Variants in ADAMTSL1 observed in about 807,000 individuals in gnomAD.
ADAMTSL1 encodes ADAMTS like 1, also known as ADAMTS-like protein 1.
In ADAMTSL1, 126 loss-of-function variants were observed where a neutral mutation model predicts 201.8. The ratio of observed to expected loss-of-function variants is 0.62; its 90% CI spans 0.54 to 0.72. The LOEUF (loss-of-function observed/expected upper bound fraction) is 0.72. Among genes scored for constraint, ADAMTSL1 ranks in the 30% least tolerant of loss-of-function variants. The probability of loss-of-function intolerance (pLI) is 0.00; values close to 1 mark genes in which losing one functional copy is unlikely to be tolerated. For synonymous variants in ADAMTSL1, 1,121 were observed against 903.4 expected, an observed-to-expected ratio of 1.24 and a Z score of -4.32; for missense variants, 2,679 against 2,277.8, an observed-to-expected ratio of 1.18 and a Z score of -3.59.
At chr9:18,552,360 T>G (rs187027379) in intron 3 of ADAMTSL1, among the ~76,000 whole-genome samples, 56 of 151,996 alleles carry the variant, frequency 3.7e-4, no homozygotes, top group Admixed American at 3.5e-3. Context: ...AATCTGTTCA[T>G]TAACTTCTAA....
intron 2 of ADAMTSL1, among the ~76,000 whole-genome samples, chr9:18,179,247 G>A (rs1043659289): frequency 3.3e-5 from 5 of 152,134 alleles, no homozygotes; most frequent in Non-Finnish European, 5.9e-5. Flanking sequence ...CACAGGAGCC[G>A]ATGCGATCAA....
At chr9:18,099,355 A>ATATATATATTTTTTTT (rs1239180390) in intron 1 of ADAMTSL1, among the ~76,000 whole-genome samples, 3 of 45,540 alleles carry the variant, frequency 6.6e-5, no homozygotes, top group African/African-American at 2.4e-4. Flanking sequence ...ATATATATAT[A>ATATATATATTTTTTTT]TTTTTTTTTT....
chr9:18,172,180 G>A lies in ADAMTSL1; in HGVS notation c.207+8199G>A, dbSNP rs149830731. Reference sequence around the variant, plus strand: ...ATTAGGAGAAATACTTAATGTAGATGATGGGTTGATGGGTGCAGCAAACAA... The same window carrying A: ...ATTAGGAGAAATACTTAATGTAGATAATGGGTTGATGGGTGCAGCAAACAA... On this transcript the variant is annotated intron_variant, in intron 2 of 29. Transcript: ENST00000680146. Among the ~76,000 whole-genome samples, 1,322 of 152,058 alleles carry A rather than the reference G, an allele frequency of 8.7e-3. 16 individuals are homozygous for A. The highest frequency in any genetic ancestry group is 0.029 in the African/African-American group (1,190 of 41,486).
At chr9:18,724,498 A>G (rs1004318286) in intron 15 of ADAMTSL1, among the ~76,000 whole-genome samples, 1 of 152,206 alleles carries the variant, frequency 6.6e-6, no homozygotes, top group Non-Finnish European at 1.5e-5. Context: ...AGCTGGAGGT[A>G]TTCTGACTGT....
chr9:18,064,669 A>G (rs1285741020), intron 1 of ADAMTSL1, among the ~76,000 whole-genome samples: 1 of 152,182 alleles, frequency 6.6e-6, no homozygotes, highest in Non-Finnish European at 1.5e-5. Flanking sequence ...AAGAATGATT[A>G]CATGTAGCTT....
chr9:18,076,020 A>G (rs1330674902), intron 1 of ADAMTSL1, among the ~76,000 whole-genome samples: 3 of 152,236 alleles, frequency 2.0e-5, no homozygotes, highest in Non-Finnish European at 4.4e-5. Flanking sequence ...CATCACCTCA[A>G]GATGAATCCC....
At chr9:18,470,533 C>G (rs2131744032), upstream of ADAMTSL1, among the ~76,000 whole-genome samples, 1 of 152,304 alleles carries the variant, frequency 6.6e-6, no homozygotes, top group African/African-American at 2.4e-5. Flanking sequence ...TAGGCCCTGC[C>G]TAGCTCTTGA....
rs569554238 is a variant in ADAMTSL1, at chr9:18,002,457, C to T, written c.87+95535C>T. Among the ~76,000 whole-genome samples the T allele has an allele frequency of 5.3e-5, 8 of 152,080 alleles. No homozygotes were observed. In the South Asian group the frequency reaches 1.7e-3, roughly 32 times the overall value. On this transcript the variant is annotated intron_variant, in intron 1 of 29. Coordinates refer to the ADAMTSL1 transcript ENST00000680146. ...AGATAGTGTAATATATGTAAAATAGCAAATACTGTCTCTGATGCTTAGTAA... is the reference window on the plus strand; with the variant it reads ...AGATAGTGTAATATATGTAAAATAGTAAATACTGTCTCTGATGCTTAGTAA...
chr9:18,451,029 G>A (rs1302718848), intron 2 of ADAMTSL1, among the ~76,000 whole-genome samples: 4 of 152,172 alleles, frequency 2.6e-5, no homozygotes, highest in Admixed American at 1.3e-4. Flanking sequence ...TTTATACCCA[G>A]GGGTAAGACA....
chr9:18,212,954 C>T (rs1436741055), intron 2 of ADAMTSL1, among the ~76,000 whole-genome samples: 1 of 152,138 alleles, frequency 6.6e-6, no homozygotes, highest in African/African-American at 2.4e-5. Context: ...AGTTCATTGT[C>T]CTAAATGCAA....
chr9:18,750,026 T>C (rs1819375169), intron 15 of ADAMTSL1, among the ~76,000 whole-genome samples: 1 of 152,214 alleles, frequency 6.6e-6, no homozygotes. Flanking sequence ...TGGGACAGAA[T>C]TAGCTGTGTA....
chr9:18,532,022 A>G (rs1409543441), intron 2 of ADAMTSL1, among the ~76,000 whole-genome samples: 1 of 152,200 alleles, frequency 6.6e-6, no homozygotes, highest in African/African-American at 2.4e-5. Flanking sequence ...AAATTTATAC[A>G]TATAACAAAC....
At chr9:17,933,165 C>G (rs1365317525) in intron 1 of ADAMTSL1, among the ~76,000 whole-genome samples, 1 of 152,104 alleles carries the variant, frequency 6.6e-6, no homozygotes, top group Non-Finnish European at 1.5e-5. Context: ...TGCTCCCTAC[C>G]GTGGCCCTGG....
At chr9:18,474,087 C>A, upstream of ADAMTSL1, 6 of 608,658 alleles carry the variant, frequency 9.9e-6, no homozygotes, top group Middle Eastern at 4.6e-4. Context: ...CACCCACCCA[C>A]CCCTCGGTCA....
At position 18,605,959 on chromosome 9, in the gene ADAMTSL1, AGT is replaced by A. The variant is rs531488185; in HGVS notation, c.475-16279_475-16278del. On this transcript the variant is annotated intron_variant, in intron 4 of 28. Coordinates refer to ENST00000380548, the MANE Select transcript of ADAMTSL1 (RefSeq NM_001040272.6). ...CAAGTCAGCATGCTCTGGAATTGAT[AGT>A]GTGTCATTCTGGGCTTTCTACCCCT... Among the ~76,000 whole-genome samples, 650 of 152,264 alleles carry A rather than the reference AGT, an allele frequency of 4.3e-3. 2 individuals carry two copies. Among genetic ancestry groups the A allele is most frequent in the African/African-American group, 0.015 (634 of 41,562 alleles).
chr9:18,832,959 C>T (rs1409214282), intron 23 of ADAMTSL1, among the ~76,000 whole-genome samples: 2 of 152,176 alleles, frequency 1.3e-5, no homozygotes, highest in African/African-American at 4.8e-5. Context: ...AGCCATGTGT[C>T]AGAGCTCATT....
intron 20 of ADAMTSL1, among the ~76,000 whole-genome samples, chr9:18,810,176 A>C (rs969304606): frequency 6.6e-6 from 1 of 152,194 alleles, no homozygotes; most frequent in Non-Finnish European, 1.5e-5. Flanking sequence ...TCATTATAGT[A>C]CTAAATCACT....
intron 16 of ADAMTSL1, among the ~76,000 whole-genome samples, chr9:18,761,160 T>C (rs1820051440): frequency 6.6e-6 from 1 of 152,204 alleles, no homozygotes; most frequent in Non-Finnish European, 1.5e-5. Context: ...AATGAAAAGT[T>C]GGCCTTACAA....
chr9:18,648,039 A>T, intron 7 of ADAMTSL1, among the ~76,000 whole-genome samples: 1 of 148,136 alleles, frequency 6.8e-6, no homozygotes, highest in East Asian at 2.0e-4. Flanking sequence ...TTTGTAGGTC[A>T]CTCAGGACTT....
Sources: gnomAD v4.1 joint callset for allele counts (sites outside exome capture counted in the v4.1 genomes callset) on GRCh38, gnomAD v4.1.1 for gene constraint, MANE v1.5 for transcripts, NCBI Gene and HGNC (gene_info 2026-07-23, HGNC 2026-07-21) for gene names.